The following P2RX5 variants were observed in gnomAD, a reference collection of about 807,000 sequenced individuals.
P2RX5 encodes the protein purinergic receptor P2X 5.
P2RX5 carries 46 observed loss-of-function variants against 54.1 expected under a neutral mutation model. The ratio of observed to expected loss-of-function variants is 0.85; its 90% CI spans 0.67 to 1.09. The LOEUF (loss-of-function observed/expected upper bound fraction) is 1.09. Ranked by LOEUF, P2RX5 falls within the 50% of genes least tolerant of loss-of-function variation. P2RX5 has a pLI of 0.00. For synonymous variants in P2RX5, 226 were observed against 226.4 expected (o/e 1.00, Z 0.02); for missense variants, 566 against 549.8 (o/e 1.03, Z -0.29).
the P2RX5 span, among the ~76,000 whole-genome samples, chr17:3,712,905 T>C: frequency 6.6e-6 from 1 of 152,120 alleles, no homozygotes; most frequent in African/African-American, 2.4e-5. Context: ...ATCACACCAC[T>C]GCACTCCAGC....
chr17:3,712,333 G>A, the P2RX5 span, among the ~76,000 whole-genome samples: 91 of 152,276 alleles, frequency 6.0e-4, 1 homozygote, highest in Admixed American at 3.7e-3. Context: ...GTGCCCAACA[G>A]CCTAGTGATG....
At chr17:3,710,859 C>T in the P2RX5 span, among the ~76,000 whole-genome samples, 2 of 151,900 alleles carry the variant, frequency 1.3e-5, no homozygotes, top group African/African-American at 4.8e-5. Context: ...ACCCAGAAGG[C>T]GGAGGTTGCA....
At chr17:3,690,215 G>A (rs1341498343) in intron 5 of P2RX5, 65 bp from the exon 6 acceptor site, 12 of 1,476,362 alleles carry the variant, frequency 8.1e-6, no homozygotes, top group Non-Finnish European at 1.1e-5. Context: ...CCCAGGCCTG[G>A]GCCAGTGTGA....
chr17:3,716,885 A>C, the P2RX5 span: 30 of 747,262 alleles, frequency 4.0e-5, no homozygotes, highest in Admixed American at 6.1e-4. Flanking sequence ...GCAAAATACG[A>C]GGACTTGGCA....
At position 3,679,622 on chromosome 17, in the gene P2RX5, T is replaced by A; in HGVS notation, c.1227A>T (p.Gly409=). 1 of 1,608,758 alleles carries A rather than the reference T, an allele frequency of 6.2e-7. No homozygotes were observed. The highest frequency in any genetic ancestry group is 1.1e-5 in the South Asian group (1 of 91,084). The change falls in exon 11 of 12, where the codon GGA becomes GGT. Residue 409 remains glycine (G), a synonymous_variant. Transcript: ENST00000225328. Reference sequence around the variant, plus strand: ...GCTCCAGGAGCTGTGGGCACACAGATCCGTTCCCCTTCTGACTGCTGCTTC... The same window carrying A: ...GCTCCAGGAGCTGTGGGCACACAGAACCGTTCCCCTTCTGACTGCTGCTTC... ...KRGSSSQKGN[G]SVCPQLLEPH... is the part of the protein sequence containing the mutation.
chr17:3,681,848 T>C, intron 10 of P2RX5, 48 bp downstream of exon 10: 1 of 1,262,800 alleles, frequency 7.9e-7, no homozygotes, highest in Non-Finnish European at 1.2e-6. Context: ...GCCACGGGGG[T>C]GCTCCACAGG....
chr17:3,702,441 A>C, the P2RX5 span, among the ~76,000 whole-genome samples: 1 of 152,206 alleles, frequency 6.6e-6, no homozygotes, highest in African/African-American at 2.4e-5. Context: ...ATGGAATAAA[A>C]GCTGGCCACC....
In P2RX5 at chr17:3,688,775, A is replaced by G. The variant is rs749679070; in HGVS notation, c.754-16T>C. On this transcript the variant is annotated splice_polypyrimidine_tract_variant and intron_variant, in intron 7 of 11. Transcript: ENST00000225328. ...TCACGCCACCCTTGATAAAAGAGAG[A>G]TGAGGGTCAGCACACACAGCTTTCC... The G allele has an allele frequency of 3.8e-5, 61 of 1,613,678 alleles. No individual in the cohort carries two copies. The Admixed American group carries it at 1.0e-3, about 27-fold the overall frequency.
At chr17:3,701,490 C>A in the P2RX5 span, among the ~76,000 whole-genome samples, 1 of 151,922 alleles carries the variant, frequency 6.6e-6, no homozygotes, top group South Asian at 2.1e-4. Flanking sequence ...GTCAGGAGTT[C>A]GAGACCAGCC....
At chr17:3,683,506 G>A (rs576797809) in intron 9 of P2RX5, among the ~76,000 whole-genome samples, 12 of 152,258 alleles carry the variant, frequency 7.9e-5, no homozygotes, top group South Asian at 6.2e-4. Context: ...CGAGGTGGGC[G>A]GATCACCTGA....
At chr17:3,708,078 A>C in the P2RX5 span, among the ~76,000 whole-genome samples, 2 of 151,164 alleles carry the variant, frequency 1.3e-5, no homozygotes, top group Non-Finnish European at 3.0e-5. Flanking sequence ...AAAAAAAAAA[A>C]AACACCAGGA....
intron 11 of P2RX5, chr17:3,676,199 A>G: frequency 1.0e-6 from 1 of 985,386 alleles, no homozygotes. Flanking sequence ...CGGGGAGACA[A>G]CTCACATACA....
upstream of P2RX5, chr17:3,696,240 C>T (rs1597278613): frequency 9.5e-6 from 3 of 314,652 alleles, no homozygotes; most frequent in African/African-American, 4.4e-5. Flanking sequence ...ACCGGAACCT[C>T]AGACCGCGAC....
chr17:3,709,208 T>G, the P2RX5 span, among the ~76,000 whole-genome samples: 1 of 152,084 alleles, frequency 6.6e-6, no homozygotes, highest in Admixed American at 6.6e-5. Context: ...CACCTCGGCC[T>G]CCCAAAGTGC....
At chr17:3,684,986 C>T (rs1359205286) in intron 9 of P2RX5, among the ~76,000 whole-genome samples, 2 of 152,008 alleles carry the variant, frequency 1.3e-5, no homozygotes, top group Non-Finnish European at 2.9e-5. Context: ...GCTGGGATTA[C>T]AAGCATGTGC....
At chr17:3,713,830 C>A in the P2RX5 span, among the ~76,000 whole-genome samples, 1 of 150,436 alleles carries the variant, frequency 6.6e-6, no homozygotes, top group Non-Finnish European at 1.5e-5. Flanking sequence ...ATAAAGATAT[C>A]AATGCTCCCA....
the P2RX5 span, among the ~76,000 whole-genome samples, chr17:3,713,295 G>C: frequency 6.6e-6 from 1 of 151,954 alleles, no homozygotes; most frequent in African/African-American, 2.4e-5. Flanking sequence ...AAAAGTTCAA[G>C]GCTGCAGCAA....
chr17:3,688,781 G>A (rs2143000207), intron 7 of P2RX5, 22 bp from the exon 8 acceptor site: 2 of 1,613,528 alleles, frequency 1.2e-6, no homozygotes, highest in South Asian at 1.1e-5. Flanking sequence ...AGAGATGAGG[G>A]TCAGCACACA....
the P2RX5 span, chr17:3,720,599 T>TG: frequency 2.7e-6 from 1 of 376,020 alleles, no homozygotes; most frequent in Non-Finnish European, 4.9e-6. Flanking sequence ...TTTTTTTTTT[T>TG]GAGATGGAGT....
Sources: allele counts gnomAD v4.1 joint callset (sites outside exome capture counted in the v4.1 genomes callset), GRCh38; gene constraint gnomAD v4.1.1; transcripts MANE v1.5; gene names NCBI Gene and HGNC (gene_info 2026-07-23, HGNC 2026-07-21).